The following SRD5A2 variants were observed in gnomAD, a reference collection of about 807,000 sequenced individuals.
SRD5A2 encodes the protein 3-oxo-5-alpha-steroid 4-dehydrogenase 2.
A neutral mutation model predicts 27.4 loss-of-function variants in SRD5A2; 30 were observed. The observed-to-expected ratio is 1.10, with a 90% CI of 0.82 to 1.49. SRD5A2 has a LOEUF of 1.49. SRD5A2 is among the 40% of genes most tolerant of loss of function. The probability of loss-of-function intolerance (pLI) is 0.00; values close to 1 mark genes in which losing one functional copy is unlikely to be tolerated. For synonymous variants in SRD5A2, 141 were observed against 133.6 expected (o/e 1.06, Z -0.38); for missense variants, 348 against 323.4 (o/e 1.08, Z -0.58).
At chr2:31,610,089 C>T in the SRD5A2 span, among the ~76,000 whole-genome samples, 1 of 152,096 alleles carries the variant, frequency 6.6e-6, no homozygotes, top group Admixed American at 6.6e-5. Flanking sequence ...TTCTGCTAAA[C>T]ATTTCAAGAA....
chr2:31,593,873 G>T, the SRD5A2 span, among the ~76,000 whole-genome samples: 1 of 152,246 alleles, frequency 6.6e-6, no homozygotes, highest in Non-Finnish European at 1.5e-5. Flanking sequence ...AAGCCAGAAG[G>T]GATTGGGGTC....
chr2:31,626,976 T>C, the SRD5A2 span, among the ~76,000 whole-genome samples: 1 of 152,198 alleles, frequency 6.6e-6, no homozygotes, highest in African/African-American at 2.4e-5. Flanking sequence ...TGGCTGTGAA[T>C]CTGTCTGGTC....
chr2:31,549,719 AC>A (rs1486795128), intron 1 of SRD5A2, among the ~76,000 whole-genome samples: 1 of 152,228 alleles, frequency 6.6e-6, no homozygotes, highest in Non-Finnish European at 1.5e-5. Context: ...GCATCAAGCA[AC>A]AAACTGGCAA....
chr2:31,549,124 A>ATTATTATTG (rs1470399061), intron 1 of SRD5A2, among the ~76,000 whole-genome samples: 51 of 139,052 alleles, frequency 3.7e-4, no homozygotes, highest in Non-Finnish European at 6.5e-4. Flanking sequence ...TATTATTATT[A>ATTATTATTG]TTATTTAAGA....
the SRD5A2 span, among the ~76,000 whole-genome samples, chr2:31,590,607 A>C: frequency 6.6e-6 from 1 of 152,198 alleles, no homozygotes; most frequent in African/African-American, 2.4e-5. Context: ...ACCAAAAAAG[A>C]GCCCTCATTG....
At chr2:31,607,762 T>C in the SRD5A2 span, among the ~76,000 whole-genome samples, 2 of 152,140 alleles carry the variant, frequency 1.3e-5, no homozygotes, top group South Asian at 4.1e-4. Context: ...CGTCTTAAAA[T>C]TATGTAATCC....
At chr2:31,621,830 A>G in the SRD5A2 span, among the ~76,000 whole-genome samples, 1 of 151,932 alleles carries the variant, frequency 6.6e-6, no homozygotes, top group Non-Finnish European at 1.5e-5. Context: ...TTTTGTAGAG[A>G]TGAGATCTTG....
upstream of SRD5A2, among the ~76,000 whole-genome samples, chr2:31,583,804 C>T (rs1005642142): frequency 6.6e-6 from 1 of 151,880 alleles, no homozygotes; most frequent in African/African-American, 2.4e-5. Context: ...AAATGACTAT[C>T]GTGAAGGAAA....
chr2:31,571,150 C>T (rs1430367857), intron 1 of SRD5A2, among the ~76,000 whole-genome samples: 4 of 152,154 alleles, frequency 2.6e-5, no homozygotes, highest in East Asian at 1.9e-4. Flanking sequence ...ACCAAAACAG[C>T]GTGGCACTGG....
At chr2:31,662,022 G>A in the SRD5A2 span, among the ~76,000 whole-genome samples, 1 of 152,044 alleles carries the variant, frequency 6.6e-6, no homozygotes, top group Non-Finnish European at 1.5e-5. Context: ...TACAGTGCCT[G>A]TATATTTTCA....
the SRD5A2 span, among the ~76,000 whole-genome samples, chr2:31,599,472 A>G: frequency 6.6e-6 from 1 of 152,056 alleles, no homozygotes; most frequent in Non-Finnish European, 1.5e-5. Flanking sequence ...TCTGACCACA[A>G]TGTAATAAAA....
At chr2:31,597,674 A>C in the SRD5A2 span, among the ~76,000 whole-genome samples, 1 of 152,208 alleles carries the variant, frequency 6.6e-6, no homozygotes. Context: ...AAGAAAATAC[A>C]CAAATGGCCA....
intron 1 of SRD5A2, among the ~76,000 whole-genome samples, chr2:31,566,888 T>A (rs978609575): frequency 6.6e-6 from 1 of 152,140 alleles, no homozygotes; most frequent in Non-Finnish European, 1.5e-5. Flanking sequence ...AAGGAAAAAA[T>A]ACAAACCTAA....
At chr2:31,650,144 A>G in the SRD5A2 span, among the ~76,000 whole-genome samples, 1 of 152,138 alleles carries the variant, frequency 6.6e-6, no homozygotes, top group Non-Finnish European at 1.5e-5. Flanking sequence ...CTATTTTCTG[A>G]GGTACAGCTA....
At chr2:31,592,813 G>T in the SRD5A2 span, among the ~76,000 whole-genome samples, 8 of 152,142 alleles carry the variant, frequency 5.3e-5, no homozygotes, top group African/African-American at 1.7e-4. Flanking sequence ...TAGCTGTCCA[G>T]CAATAGACCC....
At chr2:31,544,056 T>C (rs953271955) in intron 1 of SRD5A2, among the ~76,000 whole-genome samples, 3 of 151,976 alleles carry the variant, frequency 2.0e-5, no homozygotes, top group Non-Finnish European at 4.4e-5. Flanking sequence ...ACAGGCAAAA[T>C]GGACTTTAAA....
chr2:31,610,398 A>G, the SRD5A2 span, among the ~76,000 whole-genome samples: 1 of 152,208 alleles, frequency 6.6e-6, no homozygotes, highest in Non-Finnish European at 1.5e-5. Flanking sequence ...ATGTGATATG[A>G]TATCAACAAA....
At chr2:31,639,013 T>C in the SRD5A2 span, among the ~76,000 whole-genome samples, 656 of 152,210 alleles carry the variant, frequency 4.3e-3, 7 homozygotes, top group African/African-American at 0.015. Context: ...TCCTACTATC[T>C]TCCTTTGTGG....
chr2:31,623,263 A>C, the SRD5A2 span, among the ~76,000 whole-genome samples: 1 of 152,110 alleles, frequency 6.6e-6, no homozygotes, highest in Non-Finnish European at 1.5e-5. Flanking sequence ...CTTTTTGTCT[A>C]ACATCATTTC....
Sources: gnomAD v4.1 joint callset for allele counts (sites outside exome capture counted in the v4.1 genomes callset) on GRCh38, gnomAD v4.1.1 for gene constraint, MANE v1.5 for transcripts, NCBI Gene and HGNC (gene_info 2026-07-23, HGNC 2026-07-21) for gene names.